Variants in SRBD1 observed in about 807,000 individuals in gnomAD.
The protein encoded by SRBD1 is S1 RNA binding domain 1.
Under a neutral mutation model 115.3 loss-of-function variants are expected in SRBD1, and 88 were observed. The observed-to-expected ratio is 0.76, with a 90% CI of 0.64 to 0.91. The LOEUF (loss-of-function observed/expected upper bound fraction) is 0.91, where lower values mean the gene tolerates loss of function less well. Ranked by LOEUF, SRBD1 falls within the 40% of genes least tolerant of loss-of-function variation. The probability of loss-of-function intolerance (pLI) is 0.00; values close to 1 mark genes in which losing one functional copy is unlikely to be tolerated. For missense variants in SRBD1, 1,385 were observed against 1,177.4 expected, an observed-to-expected ratio of 1.18 and a Z score of -2.58; for synonymous variants, 509 against 407.7, an observed-to-expected ratio of 1.25 and a Z score of -2.99.
chr2:45,493,020 A>G (rs1258112341), intron 14 of SRBD1, among the ~76,000 whole-genome samples: 1 of 152,218 alleles, frequency 6.6e-6, no homozygotes, highest in South Asian at 2.1e-4. Context: ...ATTCTTTACA[A>G]AAGTATATTA....
chr2:45,578,899 T>TGATTATCA (rs1378121105), intron 7 of SRBD1, among the ~76,000 whole-genome samples: 1 of 152,196 alleles, frequency 6.6e-6, no homozygotes, highest in Non-Finnish European at 1.5e-5. Flanking sequence ...TTAATTTGCT[T>TGATTATCA]GATTATCATG....
At position 45,553,720 on chromosome 2, in the gene SRBD1, G is replaced by A. The variant is rs1424536389; in HGVS notation, c.1420C>T (p.Arg474Cys). The A allele has an allele frequency of 6.3e-6, 10 of 1,588,654 alleles. No individual in the cohort carries two copies. Among genetic ancestry groups the A allele is most frequent in the Middle Eastern group, 1.7e-4 (1 of 5,992 alleles). ...RWCIQNRWRPRSFARPELMKI... is the reference protein window; with the variant it reads ...RWCIQNRWRPCSFARPELMKI... ...ATTAACTCTGGCCTTGCAAAGCTACGTGGTCTCCACCTGCAAAACAGAAAA... is the reference window on the plus strand; with the variant it reads ...ATTAACTCTGGCCTTGCAAAGCTACATGGTCTCCACCTGCAAAACAGAAAA... Residue 474 changes from arginine to cysteine, a missense_variant, in exon 11 of 21, where the codon CGT becomes TGT. By Grantham distance (180) the Arg-to-Cys change is radical (BLOSUM62 -3). Transcript: ENST00000263736.
chr2:45,438,765 T>C (rs924264095), intron 16 of SRBD1, among the ~76,000 whole-genome samples: 3 of 152,094 alleles, frequency 2.0e-5, no homozygotes, highest in Non-Finnish European at 4.4e-5. Flanking sequence ...CACAACTATA[T>C]GTAACTGGAG....
intron 16 of SRBD1, among the ~76,000 whole-genome samples, chr2:45,444,958 A>G (rs1668777446): frequency 6.6e-6 from 1 of 152,208 alleles, no homozygotes; most frequent in Non-Finnish European, 1.5e-5. Flanking sequence ...TGATGAACAT[A>G]AAAAGTAGAG....
chr2:45,476,016 A>T (rs1220221590), intron 16 of SRBD1, among the ~76,000 whole-genome samples: 1 of 152,192 alleles, frequency 6.6e-6, no homozygotes, highest in East Asian at 1.9e-4. Context: ...CTCTTTAGAT[A>T]CCAGTCATTT....
intron 16 of SRBD1, among the ~76,000 whole-genome samples, chr2:45,437,595 G>A (rs1668538706): frequency 6.6e-6 from 1 of 152,130 alleles, no homozygotes; most frequent in South Asian, 2.1e-4. Context: ...AGACATGGTG[G>A]TACATGTTGA....
chr2:45,579,824 T>G lies in SRBD1; in HGVS notation c.1072+51A>C, dbSNP rs1264777263. ...AGTTTTTTAACATACGTTTTTAAAT[T>G]AAAAAAAAAAAAAAAGAAACAAAGT... On this transcript the variant is annotated intron_variant, in intron 7 of 20. Transcript: ENST00000263736. The G allele has an allele frequency of 3.0e-6, 4 of 1,332,946 alleles. No homozygotes were observed. In the South Asian group the frequency reaches 5.4e-5, roughly 18 times the overall value. The allele number at this position is 1,332,946 out of a possible 1,614,324, so 82.6% of individuals were successfully genotyped here.
At chr2:45,505,003 A>G (rs1276791314) in intron 14 of SRBD1, among the ~76,000 whole-genome samples, 1 of 152,114 alleles carries the variant, frequency 6.6e-6, no homozygotes, top group Non-Finnish European at 1.5e-5. Context: ...CAAAGATCAA[A>G]TTAGTATCAC....
chr2:45,403,283 A>G (rs755413144), intron 19 of SRBD1, among the ~76,000 whole-genome samples: 3 of 152,106 alleles, frequency 2.0e-5, no homozygotes, highest in Non-Finnish European at 4.4e-5. Context: ...TGTTCTACCA[A>G]CAATTTTGTT....
At chr2:45,505,223 G>C (rs1282899159) in intron 14 of SRBD1, among the ~76,000 whole-genome samples, 3 of 152,158 alleles carry the variant, frequency 2.0e-5, no homozygotes, top group African/African-American at 7.2e-5. Flanking sequence ...TTTTCAGCAA[G>C]TAAAGGTTCC....
chr2:45,425,588 G>A (rs1668127625), intron 16 of SRBD1, among the ~76,000 whole-genome samples: 1 of 152,072 alleles, frequency 6.6e-6, no homozygotes, highest in African/African-American at 2.4e-5. Flanking sequence ...CAGAAGGTGG[G>A]TGATTCTGCA....
At chr2:45,421,505 TCAAACAAAAAAAAAAAAAAAA>T in intron 16 of SRBD1, among the ~76,000 whole-genome samples, 2 of 46,310 alleles carry the variant, frequency 4.3e-5, no homozygotes, top group African/African-American at 1.4e-4. Context: ...AGACTCCGTC[TCAAACAAAAAAAAAAAAAAAA>T]AAAAAAAAAA....
chr2:45,414,924 T>TAC lies in SRBD1; in HGVS notation c.2334-1633_2334-1632dup, dbSNP rs200670634. Reference sequence around the variant, plus strand: ...ACACATATAGTGTGTATATAGTATGTACACACACAGTGTTATATAGTATGT... The same window carrying TAC: ...ACACATATAGTGTGTATATAGTATGTACACACACACAGTGTTATATAGTATGT... On this transcript the variant is annotated intron_variant, in intron 18 of 20. Transcript: ENST00000263736. Among the ~76,000 whole-genome samples, 357 of 59,914 alleles carry TAC rather than the reference T, an allele frequency of 6.0e-3. 111 individuals are homozygous for TAC. The highest frequency in any genetic ancestry group is 0.032 in the African/African-American group (291 of 9,042). The allele number at this position is 59,914 out of a possible 152,430, so 39.3% of individuals were successfully genotyped here. A position where few individuals can be genotyped will look rare whatever the true frequency, so the allele number is the denominator to read the frequency against.
At chr2:45,576,905 T>A (rs923460029) in intron 7 of SRBD1, among the ~76,000 whole-genome samples, 1 of 152,230 alleles carries the variant, frequency 6.6e-6, no homozygotes, top group Non-Finnish European at 1.5e-5. Context: ...GAGGGGAATA[T>A]AATTTGAAAC....
In SRBD1 at chr2:45,551,110, T is replaced by G. The variant is rs1332475051; in HGVS notation, c.1675+15A>C. The G allele has an allele frequency of 6.3e-7, 1 of 1,578,128 alleles. No individual in the cohort carries two copies. The highest frequency in any genetic ancestry group is 8.6e-7 in the Non-Finnish European group (1 of 1,168,198). On this transcript the variant is annotated intron_variant, in intron 12 of 20. Coordinates refer to ENST00000263736, the MANE Select transcript of SRBD1 (RefSeq NM_018079.5). ...ACCAAACAACTTTTACATGGAAAAT[T>G]GCAAGACAACTTACTAGTAGGAGAA... is the stretch of plus-strand genomic sequence containing the variant.
At chr2:45,508,295 T>C (rs1670857715) in intron 14 of SRBD1, among the ~76,000 whole-genome samples, 5 of 152,206 alleles carry the variant, frequency 3.3e-5, no homozygotes, top group African/African-American at 1.2e-4. Context: ...ACTGGCAATA[T>C]AATCTCATAC....
chr2:45,588,115 G>T (rs1319738604), intron 4 of SRBD1, among the ~76,000 whole-genome samples: 1 of 152,124 alleles, frequency 6.6e-6, no homozygotes, highest in Non-Finnish European at 1.5e-5. Context: ...GCTTTTACCT[G>T]TTCTCCCTGC....
At chr2:45,460,758 T>C (rs1669288360) in intron 16 of SRBD1, among the ~76,000 whole-genome samples, 1 of 152,202 alleles carries the variant, frequency 6.6e-6, no homozygotes, top group African/African-American at 2.4e-5. Context: ...AAGATAACTC[T>C]CTTGAAATGT....
intron 9 of SRBD1, among the ~76,000 whole-genome samples, chr2:45,565,359 C>T (rs1672793608): frequency 6.6e-6 from 1 of 151,994 alleles, no homozygotes; most frequent in Admixed American, 6.6e-5. Context: ...ACAAGGGTAC[C>T]AAGATAATTC....
Sources: gnomAD v4.1 joint callset for allele counts (sites outside exome capture counted in the v4.1 genomes callset) on GRCh38, gnomAD v4.1.1 for gene constraint, MANE v1.5 for transcripts, NCBI Gene and HGNC (gene_info 2026-07-23, HGNC 2026-07-21) for gene names.